TRIM60: variants seen among roughly 807,000 people sequenced by gnomAD.
The protein encoded by TRIM60 is tripartite motif-containing protein 60.
For synonymous variants in TRIM60, 189 were observed against 195.2 expected (o/e 0.97, Z 0.27); for missense variants, 524 against 540.8 (o/e 0.97, Z 0.31).
At chr4:165,034,054 A>G (rs558734972) in intron 1 of TRIM60, among the ~76,000 whole-genome samples, 2 of 152,176 alleles carry the variant, frequency 1.3e-5, no homozygotes, top group South Asian at 4.1e-4. Flanking sequence ...AGTCTGGAAG[A>G]TGGGTTAGGG....
In TRIM60 at chr4:165,040,678, TAGGC is replaced by T. The variant is rs1733737297; in HGVS notation, c.609_612del (p.Gln204TyrfsTer6). The T allele has an allele frequency of 6.2e-7, 1 of 1,613,900 alleles. No homozygotes were observed. The highest frequency in any genetic ancestry group is 1.7e-5 in the Admixed American group (1 of 59,976). On this transcript the variant is annotated frameshift_variant, in exon 3 of 3. Coordinates refer to ENST00000512596, the MANE Select transcript of TRIM60 (RefSeq NM_152620.3). LOFTEE classifies it low-confidence loss of function (END_TRUNC). ...TACAGAATGAACAAGAGATGATTCT[TAGGC>T]AGATACAAGATGAAGAGATGAACAT...
At position 165,041,561 on chromosome 4, in the gene TRIM60, CTTTAAG is replaced by C; in HGVS notation, c.*77_*82del. On this transcript the variant is annotated 3_prime_UTR_variant, in exon 3 of 3. Transcript: ENST00000512596. ...GTAAATTTAATCTCATTTCTGGACTCTTTAAGTTTTACCACTGAAAACCAGAGTCGA... is the reference window on the plus strand; with the variant it reads ...GTAAATTTAATCTCATTTCTGGACTCTTTTACCACTGAAAACCAGAGTCGA... 8.7e-7 allele frequency: 1 copy of C among 1,146,614 alleles called. No individual in the cohort carries two copies. The highest frequency in any genetic ancestry group is 1.5e-5 in the African/African-American group (1 of 64,610). The allele number at this position is 1,146,614 out of a possible 1,614,324, so 71.0% of individuals were successfully genotyped here.
chr4:165,040,465 C>T lies in TRIM60; in HGVS notation c.393C>T (p.Cys131=), dbSNP rs777096413. 34 of 1,614,024 alleles carry T rather than the reference C, an allele frequency of 2.1e-5. No homozygotes were observed. Among genetic ancestry groups the T allele is most frequent in the Non-Finnish European group, 2.7e-5 (32 of 1,180,038 alleles). Residue 131 remains cysteine (C), a synonymous_variant, in exon 3 of 3, where the codon TGC becomes TGT. Coordinates refer to ENST00000512596, the MANE Select transcript of TRIM60 (RefSeq NM_152620.3). The stretch of plus-strand genomic sequence containing the variant: ...CTAAACACCAGAAGCACTACATTTG[C>T]CCTATTAAGAAAGCTGCCTCTTATC... ...FSTKHQKHYI[C]PIKKAASYHR...
intron 1 of TRIM60, among the ~76,000 whole-genome samples, chr4:165,036,098 T>A (rs963721651): frequency 4.6e-5 from 7 of 152,180 alleles, no homozygotes; most frequent in African/African-American, 1.7e-4. Flanking sequence ...GAAATCAAAG[T>A]TGCCAGACAA....
intron 1 of TRIM60, among the ~76,000 whole-genome samples, chr4:165,036,626 T>A (rs1733628706): frequency 6.6e-6 from 1 of 152,060 alleles, no homozygotes; most frequent in South Asian, 2.1e-4. Context: ...GACTTTCTCA[T>A]CTGTCTCACT....
intron 1 of TRIM60, among the ~76,000 whole-genome samples, chr4:165,035,974 T>TGGCCTCCCAAAGTACTGGGAGTACTTTG (rs1733613683): frequency 2.0e-5 from 3 of 151,924 alleles, no homozygotes; most frequent in African/African-American, 7.2e-5. Context: ...CTGCCCGCCT[T>TGGCCTCCCAAAGTACTGGGAGTACTTTG]GGCCTCCCAA....
In TRIM60 at chr4:165,041,405, A is replaced by G; in HGVS notation, c.1333A>G (p.Thr445Ala). 2 of 1,613,032 alleles carry G rather than the reference A, an allele frequency of 1.2e-6. No individual in the cohort carries two copies. Among genetic ancestry groups the G allele is most frequent in the Non-Finnish European group, 1.7e-6 (2 of 1,179,362 alleles). The change falls in exon 3 of 3, where the codon ACA becomes GCA. Residue 445 changes from threonine to alanine, a missense_variant. Thr to Ala is a moderately conservative substitution (Grantham distance 58, BLOSUM62 0). Coordinates refer to ENST00000512596, the MANE Select transcript of TRIM60 (RefSeq NM_152620.3). ...TCTCTATACTTTTAACGATTGTTTCACAGAAGCCGTTTGGCCTTATTTCTA... is the reference window on the plus strand; with the variant it reads ...TCTCTATACTTTTAACGATTGTTTCGCAGAAGCCGTTTGGCCTTATTTCTA... Reference protein sequence around the residue: ...SILYTFNDCFTEAVWPYFYTG... With the variant: ...SILYTFNDCFAEAVWPYFYTG...
At chr4:165,039,917 C>A (rs998158007) in intron 2 of TRIM60, among the ~76,000 whole-genome samples, 152 bp from the exon 3 acceptor site, 3 of 152,076 alleles carry the variant, frequency 2.0e-5, no homozygotes, top group Non-Finnish European at 2.9e-5. Context: ...AACAAGACTT[C>A]AGTGGGTGCC....
chr4:165,040,241 C>A lies in TRIM60; in HGVS notation c.169C>A (p.Arg57Ser). The A allele has an allele frequency of 6.2e-7, 1 of 1,614,130 alleles. No individual in the cohort carries two copies. Among genetic ancestry groups the A allele is most frequent in the Non-Finnish European group, 8.5e-7 (1 of 1,180,044 alleles). ...TGATACCTTTCCCTGTCCTGTCTGCCGTTTTTGCTTTCCATACAAGAGCTT... is the reference window on the plus strand; with the variant it reads ...TGATACCTTTCCCTGTCCTGTCTGCAGTTTTTGCTTTCCATACAAGAGCTT... ...LDDTFPCPVC[R>S]FCFPYKSFRR... Residue 57 changes from arginine (R) to serine (S), a missense_variant, in exon 3 of 3, where the codon CGT becomes AGT. By Grantham distance (110) the Arg-to-Ser change is moderately radical (BLOSUM62 -1). Coordinates refer to ENST00000512596, the MANE Select transcript of TRIM60 (RefSeq NM_152620.3).
In TRIM60 at chr4:165,037,217, A is replaced by G. The variant is rs80115407; in HGVS notation, c.-56-1984A>G. On this transcript the variant is annotated intron_variant, in intron 1 of 2. Transcript: ENST00000512596. ...ACTGTCTCAAAACGAAACAAAACAA[A>G]CAAACAAAAAAACGGATAGCGTGCT... is the stretch of plus-strand genomic sequence containing the variant. Among the ~76,000 whole-genome samples the G allele has an allele frequency of 9.5e-4, 145 of 152,296 alleles. 1 individual carries two copies. The East Asian group carries it at 0.014, about 15-fold the overall frequency.
At position 165,040,849 on chromosome 4, in the gene TRIM60, T is replaced by C. The variant is rs1490892391; in HGVS notation, c.777T>C (p.Tyr259=). The C allele has an allele frequency of 1.9e-6, 3 of 1,613,706 alleles. No homozygotes were observed. The highest frequency in any genetic ancestry group is 2.5e-6 in the Non-Finnish European group (3 of 1,179,898). The change falls in exon 3 of 3, where the codon TAT becomes TAC. Residue 259 remains tyrosine (Y), a synonymous_variant. Coordinates refer to ENST00000512596, the MANE Select transcript of TRIM60 (RefSeq NM_152620.3). The stretch of plus-strand genomic sequence containing the variant: ...AAGCTAAGAGTATGCACCACAAGTA[T>C]CAAAACCTAAAATGCCCTGAACTCT... ...LTQAKSMHHK[Y]QNLKCPELFS...
At chr4:165,032,202 C>T (rs1052736827) in intron 1 of TRIM60, 90 bp downstream of exon 1, 1 of 152,266 alleles carries the variant, frequency 6.6e-6, no homozygotes, top group Non-Finnish European at 1.5e-5. Context: ...TCAGCTGTGC[C>T]CAAACCTCGG....
At position 165,040,721 on chromosome 4, in the gene TRIM60, A is replaced by G; in HGVS notation, c.649A>G (p.Asn217Asp). 5.0e-6 allele frequency: 8 copies of G among 1,614,050 alleles called. No individual in the cohort carries two copies. The highest frequency in any genetic ancestry group is 6.8e-6 in the Non-Finnish European group (8 of 1,180,004). The change falls in exon 3 of 3, where the codon AAT (asparagine) becomes GAT (aspartate). Residue 217 changes from asparagine (N) to aspartate (D), a missense_variant. Transcript: ENST00000512596. ...AGAGATGAACATTTTAGCAAAACTA[A>G]ATGAAAACCTTGTAGAACTTTCAGA... is the stretch of plus-strand genomic sequence containing the variant. ...DEEMNILAKL[N>D]ENLVELSDYV...
chr4:165,032,508 CA>C (rs1209974365), intron 1 of TRIM60, among the ~76,000 whole-genome samples: 1 of 152,196 alleles, frequency 6.6e-6, no homozygotes, highest in East Asian at 1.9e-4. Flanking sequence ...CTCGGCCTTC[CA>C]AAGTGCTGGG....
intron 2 of TRIM60, 125 bp downstream of exon 2, chr4:165,039,377 C>A (rs553632688): frequency 6.6e-6 from 1 of 152,208 alleles, no homozygotes; most frequent in African/African-American, 2.4e-5. Context: ...TTGCCTGAAC[C>A]AGTTATTATA....
chr4:165,037,657 G>T (rs139919645), intron 1 of TRIM60, among the ~76,000 whole-genome samples: 1 of 152,088 alleles, frequency 6.6e-6, no homozygotes, highest in Non-Finnish European at 1.5e-5. Flanking sequence ...CTCCCAAAGT[G>T]CTGGGATTAC....
Position 165,040,423 on chromosome 4 carries a change from A to G in TRIM60, c.351A>G (p.Thr117=). The G allele has an allele frequency of 1.2e-6, 2 of 1,614,206 alleles. No individual in the cohort carries two copies. Among genetic ancestry groups the G allele is most frequent in the Non-Finnish European group, 1.7e-6 (2 of 1,180,026 alleles). The change falls in exon 3 of 3, where the codon ACA becomes ACG. Residue 117 remains threonine, a synonymous_variant. Coordinates refer to ENST00000512596, the MANE Select transcript of TRIM60 (RefSeq NM_152620.3). ...FCVKDLEILC[T]QCSFSTKHQK... is the part of the protein sequence containing the mutation. Reference sequence around the variant, plus strand: ...TTAAAGATCTAGAGATCTTATGTACACAGTGCAGTTTCTCCACTAAACACC... The same window carrying G: ...TTAAAGATCTAGAGATCTTATGTACGCAGTGCAGTTTCTCCACTAAACACC...
chr4:165,038,351 G>C (rs1733670030), intron 1 of TRIM60, among the ~76,000 whole-genome samples: 1 of 151,758 alleles, frequency 6.6e-6, no homozygotes, highest in South Asian at 2.1e-4. Context: ...TCCCAGTCTA[G>C]AATTCAAGCT....
Position 165,040,093 on chromosome 4 carries a change from G to C in TRIM60, c.21G>C (p.Leu7=). MEFVTA[L]VNLQEESSCP... The stretch of plus-strand genomic sequence containing the variant: ...GCTCGATGGAGTTTGTGACAGCCCT[G>C]GTGAACCTCCAAGAGGAGTCTAGCT... The change falls in exon 3 of 3, where the codon CTG becomes CTC. Residue 7 remains leucine, a synonymous_variant. Transcript: ENST00000512596. 6.2e-7 allele frequency: 1 copy of C among 1,612,644 alleles called. No homozygotes were observed. Among genetic ancestry groups the C allele is most frequent in the Middle Eastern group, 2.0e-4 (1 of 5,028 alleles).
Sources: gnomAD v4.1 joint callset for allele counts (sites outside exome capture counted in the v4.1 genomes callset) on GRCh38, gnomAD v4.1.1 for gene constraint, MANE v1.5 for transcripts, NCBI Gene and HGNC (gene_info 2026-07-23, HGNC 2026-07-21) for gene names.